Variants in SOX5 observed in about 807,000 individuals in gnomAD.
The protein encoded by SOX5 is SRY-box transcription factor 5, also known as transcription factor SOX-5.
SOX5 carries 9 observed loss-of-function variants against 92.0 expected under a neutral mutation model. The ratio of observed to expected loss-of-function variants is 0.10; its 90% CI spans 0.06 to 0.17. The LOEUF (loss-of-function observed/expected upper bound fraction) is 0.17. Ranked by LOEUF, SOX5 falls within the 10% of genes least tolerant of loss-of-function variation. The probability of loss-of-function intolerance (pLI) is 1.00; values close to 1 mark genes in which losing one functional copy is unlikely to be tolerated. For synonymous variants in SOX5, 344 were observed against 336.3 expected, an observed-to-expected ratio of 1.02 and a Z score of -0.25; for missense variants, 642 against 944.5, an observed-to-expected ratio of 0.68 and a Z score of 4.20.
chr12:24,040,896 C>A (rs1179159218), intron 4 of SOX5, among the ~76,000 whole-genome samples: 1 of 151,750 alleles, frequency 6.6e-6, no homozygotes, highest in Non-Finnish European at 1.5e-5. Context: ...AAAAAAAATT[C>A]ATTTAATGGT....
rs201125777 is a variant in SOX5 at position 23,940,033 on chromosome 12, C to T, written c.38+9531G>A. 1.5e-4 allele frequency among the ~76,000 whole-genome samples: 22 copies of T among 151,162 alleles called. No individual in the cohort carries two copies. In the East Asian group the frequency reaches 3.1e-3, roughly 21 times the overall value. Reference sequence around the variant, plus strand: ...CCTGTGCTGTACTCATGCTCTCCTGCGGATTCTTCATATTTTTTCTTTTCT... The same window carrying T: ...CCTGTGCTGTACTCATGCTCTCCTGTGGATTCTTCATATTTTTTCTTTTCT... On this transcript the variant is annotated intron_variant, in intron 1 of 14. Transcript: ENST00000451604.
intron 1 of SOX5, among the ~76,000 whole-genome samples, chr12:23,916,030 A>T (rs1483438310): frequency 1.3e-5 from 2 of 152,202 alleles, no homozygotes; most frequent in Non-Finnish European, 2.9e-5. Context: ...GAGGACCATG[A>T]GGTTAAACCC....
rs561556598 is a variant in SOX5, at chr12:24,417,876, T to A, written c.-250-49237A>T. ...AGAACAGCTGGAACAAAATGTTCAA[T>A]GCAAATGACATGTTTTAAGGGCAAG... is the stretch of plus-strand genomic sequence containing the variant. On this transcript the variant is annotated intron_variant, in intron 1 of 4. Transcript: ENST00000446891. Among the ~76,000 whole-genome samples the A allele has an allele frequency of 2.6e-5, 4 of 152,320 alleles. No individual in the cohort carries two copies. The East Asian group carries it at 7.7e-4, about 29-fold the overall frequency.
intron 3 of SOX5, among the ~76,000 whole-genome samples, chr12:24,235,647 G>A (rs1291730922): frequency 6.6e-6 from 1 of 152,098 alleles, no homozygotes; most frequent in Non-Finnish European, 1.5e-5. Flanking sequence ...AAGAAAGTAT[G>A]CTTTATTATA....
intron 3 of SOX5, among the ~76,000 whole-genome samples, chr12:24,275,982 A>G (rs185852539): frequency 2.6e-4 from 39 of 152,116 alleles, no homozygotes; most frequent in Non-Finnish European, 2.4e-4. Context: ...TTGTTCTTGT[A>G]TCTCATTATC....
At chr12:23,662,699 T>A (rs2083223774) in intron 7 of SOX5, among the ~76,000 whole-genome samples, 1 of 152,162 alleles carries the variant, frequency 6.6e-6, no homozygotes, top group Non-Finnish European at 1.5e-5. Context: ...GTGTTTCTAT[T>A]TTTTTTCCTG....
chr12:24,349,077 T>C (rs1953720109), intron 2 of SOX5, among the ~76,000 whole-genome samples: 1 of 152,218 alleles, frequency 6.6e-6, no homozygotes, highest in Non-Finnish European at 1.5e-5. Flanking sequence ...CATTTAAACA[T>C]ACCCAGCTCT....
Position 23,999,769 on chromosome 12 carries a change from A to T in SOX5, c.-1-103745T>A, listed in dbSNP as rs139059041. 7.9e-4 allele frequency among the ~76,000 whole-genome samples: 120 copies of T among 152,190 alleles called. 2 individuals carry two copies. Among genetic ancestry groups the T allele is most frequent in the African/African-American group, 2.7e-3 (114 of 41,578 alleles). On this transcript the variant is annotated intron_variant, in intron 4 of 4. Coordinates refer to the SOX5 transcript ENST00000446891. ...CAACTGTTAATCAAGAATTTTACAT[A>T]TAGCAAAGCTATCCTTCAAAAAATG...
intron 8 of SOX5, among the ~76,000 whole-genome samples, chr12:23,608,646 A>G (rs1309108129): frequency 1.3e-5 from 2 of 152,234 alleles, no homozygotes; most frequent in African/African-American, 4.8e-5. Context: ...TGCAACTCTA[A>G]GCCATGTGAC....
In SOX5 at chr12:23,749,873, T is replaced by C. The variant is rs375468307; in HGVS notation, c.568+5765A>G. 7.2e-5 allele frequency among the ~76,000 whole-genome samples: 11 copies of C among 151,862 alleles called. No individual in the cohort carries two copies. In the South Asian group the frequency reaches 2.1e-3, roughly 29 times the overall value. ...TTTCACTTGTCATTCCTTCCTCAAATATGCACTACATTCCAAACTTTGAGC... is the reference window on the plus strand; with the variant it reads ...TTTCACTTGTCATTCCTTCCTCAAACATGCACTACATTCCAAACTTTGAGC... On this transcript the variant is annotated intron_variant, in intron 4 of 14. Coordinates refer to ENST00000451604, the MANE Select transcript of SOX5 (RefSeq NM_006940.6).
intron 9 of SOX5, among the ~76,000 whole-genome samples, chr12:23,582,926 T>C (rs1338316828): frequency 1.3e-5 from 2 of 152,114 alleles, no homozygotes; most frequent in African/African-American, 4.8e-5. Context: ...ATTTGCTGTT[T>C]AAAATGCCCC....
At chr12:24,522,361 C>A (rs769467403) in intron 1 of SOX5, among the ~76,000 whole-genome samples, 1 of 149,984 alleles carries the variant, frequency 6.7e-6, no homozygotes, top group Admixed American at 6.6e-5. Flanking sequence ...TAATGCCAAG[C>A]CTTTTTAAAC....
At chr12:23,624,169 T>C (rs2077494426) in intron 8 of SOX5, among the ~76,000 whole-genome samples, 1 of 152,104 alleles carries the variant, frequency 6.6e-6, no homozygotes, top group South Asian at 2.1e-4. Context: ...GAATGCTGAC[T>C]ACCAGAGATG....
intron 3 of SOX5, among the ~76,000 whole-genome samples, chr12:23,786,723 A>G (rs1394604168): frequency 6.9e-6 from 1 of 145,546 alleles, no homozygotes; most frequent in Non-Finnish European, 1.5e-5. Context: ...AAAGCCAAGT[A>G]TTATAACATT....
At chr12:23,947,838 T>C (rs948337000) in intron 1 of SOX5, among the ~76,000 whole-genome samples, 3 of 152,062 alleles carry the variant, frequency 2.0e-5, no homozygotes, top group South Asian at 2.1e-4. Context: ...GCAGGAAGCT[T>C]GCCTATATAG....
intron 4 of SOX5, among the ~76,000 whole-genome samples, chr12:24,080,053 C>T (rs894632866): frequency 2.0e-5 from 3 of 151,840 alleles, no homozygotes; most frequent in African/African-American, 7.2e-5. Flanking sequence ...AACTTTGGAA[C>T]AATTATATAT....
chr12:23,656,440 G>A (rs73073824), intron 7 of SOX5, among the ~76,000 whole-genome samples: 20,005 of 152,002 alleles, frequency 0.13, 1,543 homozygotes, highest in African/African-American at 0.2. Flanking sequence ...GGCAATATGC[G>A]CATACAAAAA....
intron 7 of SOX5, among the ~76,000 whole-genome samples, chr12:23,654,218 GTAGT>G (rs950483026): frequency 2.6e-5 from 4 of 151,926 alleles, no homozygotes; most frequent in Admixed American, 6.6e-5. Flanking sequence ...CCCAGAGAAG[GTAGT>G]TAAAGAATAA....
In SOX5 at chr12:23,688,274, CAT is replaced by C. The variant is rs1189365115; in HGVS notation, c.811-22712_811-22711del. Among the ~76,000 whole-genome samples the C allele has an allele frequency of 4.6e-5, 7 of 152,024 alleles. No homozygotes were observed. In the South Asian group the frequency reaches 6.2e-4, roughly 13 times the overall value. ...TGCACTTGGAAAATTATTTTTTAGA[CAT>C]GTGACAACATTAATGACAAGTTTCC... On this transcript the variant is annotated intron_variant, in intron 6 of 14. Coordinates refer to ENST00000451604, the MANE Select transcript of SOX5 (RefSeq NM_006940.6).
Sources: allele counts gnomAD v4.1 joint callset (sites outside exome capture counted in the v4.1 genomes callset), GRCh38; gene constraint gnomAD v4.1.1; transcripts MANE v1.5; gene names NCBI Gene and HGNC (gene_info 2026-07-23, HGNC 2026-07-21).